The following MAP3K3 variants were observed in gnomAD, a reference collection of about 807,000 sequenced individuals.
The protein encoded by MAP3K3 is MAP/ERK kinase kinase 3.
A neutral mutation model predicts 80.9 loss-of-function variants in MAP3K3; 12 were observed. That is an observed-to-expected ratio of 0.15 (90% confidence interval 0.10 to 0.24). The LOEUF is 0.24. MAP3K3 is among the 10% of genes least tolerant of loss of function. The pLI is 1.00. For missense variants in MAP3K3, 596 were observed against 834.7 expected (o/e 0.71, Z 3.52); for synonymous variants, 272 against 307.1 (o/e 0.89, Z 1.19).
At chr17:63,684,862 T>A (rs1000971453) in intron 7 of MAP3K3, among the ~76,000 whole-genome samples, 3 of 152,164 alleles carry the variant, frequency 2.0e-5, no homozygotes, top group African/African-American at 7.2e-5. Flanking sequence ...CCAACTTTTG[T>A]GCAGAGAAAA....
chr17:63,631,251 G>A (rs2034209985), intron 1 of MAP3K3, among the ~76,000 whole-genome samples: 1 of 152,136 alleles, frequency 6.6e-6, no homozygotes. Context: ...TTGCACCACT[G>A]CACTCTAGCC....
chr17:63,680,161 CTACAGCCCCTGA>C (rs2035301122), intron 6 of MAP3K3, among the ~76,000 whole-genome samples: 1 of 152,196 alleles, frequency 6.6e-6, no homozygotes, highest in African/African-American at 2.4e-5. Context: ...AAACCTAGTG[CTACAGCCCCTGA>C]ACTAGACTGG....
At chr17:63,678,491 CTG>C (rs1722947158) in intron 6 of MAP3K3, among the ~76,000 whole-genome samples, 1 of 152,110 alleles carries the variant, frequency 6.6e-6, no homozygotes, top group East Asian at 1.9e-4. Context: ...AATTCTATGC[CTG>C]TTTTCAGAGC....
chr17:63,659,258 AC>A (rs2034835506), intron 5 of MAP3K3, among the ~76,000 whole-genome samples: 1 of 152,214 alleles, frequency 6.6e-6, no homozygotes, highest in African/African-American at 2.4e-5. Flanking sequence ...TAATTAAATA[AC>A]CATTTTTGCT....
intron 6 of MAP3K3, among the ~76,000 whole-genome samples, chr17:63,669,110 C>T (rs1177491544): frequency 2.6e-5 from 4 of 152,124 alleles, no homozygotes; most frequent in African/African-American, 9.7e-5. Context: ...AGAGAATGGG[C>T]TGAGCCTGTG....
At position 63,689,368 on chromosome 17, in the gene MAP3K3, G is replaced by A; in HGVS notation, c.872-176G>A. The stretch of plus-strand genomic sequence containing the variant: ...CTTGGGACAGCAGCCTCTGTGGAAT[G>A]AGTCAGGTGGGAGTGCGGACGGGAT... On this transcript the variant is annotated intron_variant, in intron 10 of 15. Coordinates refer to ENST00000361733, the MANE Select transcript of MAP3K3 (RefSeq NM_002401.5). The surrounding 1 kb of genome is among the most constrained non-coding windows in gnomAD (Gnocchi z 4.3). 1 of 596,718 alleles carries A rather than the reference G, an allele frequency of 1.7e-6. No homozygotes were observed. Among genetic ancestry groups the A allele is most frequent in the Non-Finnish European group, 3.0e-6 (1 of 336,906 alleles). 37.0% of individuals were successfully genotyped at this position (596,718 alleles called of 1,614,324 possible).
intron 2 of MAP3K3, chr17:63,634,918 G>C: frequency 1.1e-6 from 1 of 877,672 alleles, no homozygotes; most frequent in Admixed American, 2.2e-5. Context: ...AAAAAGCATT[G>C]GTTACCCGTG....
rs2035534022 is a variant in MAP3K3 at position 63,689,440 on chromosome 17, G to C, written c.872-104G>C. On this transcript the variant is annotated intron_variant, in intron 10 of 15. Coordinates refer to ENST00000361733, the MANE Select transcript of MAP3K3 (RefSeq NM_002401.5). This position sits in a 1 kb window ranked among gnomAD's most constrained non-coding sequence, Gnocchi z 4.3. ...ATCACTTCTGGCTGAGACCTGGTTTGTATATTCCGCCTTGTAGCCCGGGGT... is the reference window on the plus strand; with the variant it reads ...ATCACTTCTGGCTGAGACCTGGTTTCTATATTCCGCCTTGTAGCCCGGGGT... 3.1e-6 allele frequency: 3 copies of C among 977,582 alleles called. No individual in the cohort carries two copies. Among genetic ancestry groups the C allele is most frequent in the South Asian group, 1.6e-5 (1 of 61,810 alleles). The allele number at this position is 977,582 out of a possible 1,614,324, so 60.6% of individuals were successfully genotyped here.
intron 3 of MAP3K3, among the ~76,000 whole-genome samples, chr17:63,647,677 A>G (rs931061469): frequency 6.6e-6 from 1 of 152,132 alleles, no homozygotes; most frequent in African/African-American, 2.4e-5. Context: ...GAGCCATGGC[A>G]TTTCAGTGTT....
chr17:63,668,875 G>T lies in MAP3K3; in HGVS notation c.502+1815G>T, dbSNP rs933841765. ...AGATGAATGCTGCAGTGAAGCATTT[G>T]AAAGAGCAAGGGTGGCTGGAGCAGA... is the stretch of plus-strand genomic sequence containing the variant. On this transcript the variant is annotated intron_variant, in intron 6 of 15. Transcript: ENST00000361733. 2.6e-5 allele frequency among the ~76,000 whole-genome samples: 4 copies of T among 152,294 alleles called. No individual in the cohort carries two copies. The South Asian group carries it at 8.3e-4, about 32-fold the overall frequency.
chr17:63,689,163 G>T lies in MAP3K3; in HGVS notation c.871+282G>T. 1 of 563,646 alleles carries T rather than the reference G, an allele frequency of 1.8e-6. No homozygotes were observed. The highest frequency in any genetic ancestry group is 1.9e-5 in the African/African-American group (1 of 53,298). The allele number at this position is 563,646 out of a possible 1,614,324, so 34.9% of individuals were successfully genotyped here. ...TGTCCTCTTCTGCCCCACAGCAGCA[G>T]GTGGCCTGGGCCCTGTAGAGGGGTA... On this transcript the variant is annotated intron_variant, in intron 10 of 15. Coordinates refer to ENST00000361733, the MANE Select transcript of MAP3K3 (RefSeq NM_002401.5). This position sits in a 1 kb window ranked among gnomAD's most constrained non-coding sequence, Gnocchi z 4.3.
chr17:63,652,432 A>C, intron 3 of MAP3K3, 125 bp from the exon 4 acceptor site: 1 of 668,704 alleles, frequency 1.5e-6, no homozygotes, highest in South Asian at 1.9e-5. Context: ...GGGAAAAGGC[A>C]AATTGAGTGA....
chr17:63,681,734 CTG>C (rs2035341603), intron 6 of MAP3K3, 30 bp from the exon 7 acceptor site: 1 of 1,396,586 alleles, frequency 7.2e-7, no homozygotes, highest in African/African-American at 1.5e-5. Context: ...ACCCTGGGCT[CTG>C]TTGTTGAAAG....
intron 6 of MAP3K3, among the ~76,000 whole-genome samples, chr17:63,679,570 C>T (rs2035288230): frequency 6.6e-6 from 1 of 152,172 alleles, no homozygotes; most frequent in South Asian, 2.1e-4. Flanking sequence ...GCGGCCTCAA[C>T]CTCCCAGGCT....
In MAP3K3 at chr17:63,692,205, G is replaced by A. The variant is rs1158014854; in HGVS notation, c.1475-37G>A. The stretch of plus-strand genomic sequence containing the variant: ...GGGAGGATGGGAGAAAATGCAAGAG[G>A]GTCCAGGGTTGCAGCCTCTGCCCTT... On this transcript the variant is annotated intron_variant, in intron 14 of 15. Transcript: ENST00000361733. The surrounding 1 kb of genome is among the most constrained non-coding windows in gnomAD (Gnocchi z 4.5). 5 of 1,610,296 alleles carry A rather than the reference G, an allele frequency of 3.1e-6. No homozygotes were observed. Among genetic ancestry groups the A allele is most frequent in the Non-Finnish European group, 4.2e-6 (5 of 1,178,554 alleles).
chr17:63,694,017 C>A lies in MAP3K3; in HGVS notation c.*240C>A. The A allele has an allele frequency of 2.1e-6, 1 of 482,010 alleles. No individual in the cohort carries two copies. Among genetic ancestry groups the A allele is most frequent in the Non-Finnish European group, 3.7e-6 (1 of 273,022 alleles). 29.9% of individuals were successfully genotyped at this position (482,010 alleles called of 1,614,324 possible). On this transcript the variant is annotated 3_prime_UTR_variant, in exon 16 of 16. Coordinates refer to ENST00000361733, the MANE Select transcript of MAP3K3 (RefSeq NM_002401.5). ...AGGAGCTCCAGTGTCCTGAGCTCAG[C>A]GTGGAGGGGTAGGGGCTGGGAACAG...
chr17:63,624,139 C>G (rs937405610), intron 1 of MAP3K3, among the ~76,000 whole-genome samples: 2 of 151,972 alleles, frequency 1.3e-5, no homozygotes, highest in South Asian at 2.1e-4. Context: ...TAAAAGGAAC[C>G]CAGTAAGGCC....
chr17:63,688,305 G>C (rs995125189), intron 8 of MAP3K3: 1 of 585,800 alleles, frequency 1.7e-6, no homozygotes, highest in African/African-American at 1.9e-5. Flanking sequence ...TGGGTCAGAT[G>C]GGGGAGATTT....
intron 6 of MAP3K3, among the ~76,000 whole-genome samples, chr17:63,673,450 ATCTC>A (rs1047846380): frequency 6.6e-6 from 1 of 152,200 alleles, no homozygotes; most frequent in Non-Finnish European, 1.5e-5. Context: ...AAAGGAATTA[ATCTC>A]TCTGTGGGGA....
Sources: gnomAD v4.1 joint callset for allele counts (sites outside exome capture counted in the v4.1 genomes callset) on GRCh38, gnomAD v4.1.1 for gene constraint, Gnocchi (gnomAD v3.1) non-coding constraint, MANE v1.5 for transcripts, NCBI Gene and HGNC (gene_info 2026-07-23, HGNC 2026-07-21) for gene names.